Variants in SUGCT observed in about 807,000 individuals in gnomAD.
SUGCT encodes the protein succinyl-CoA:glutarate-CoA transferase, also known as succinyl-CoA:glutarate CoA-transferase.
SUGCT carries 41 observed loss-of-function variants against 55.0 expected under a neutral mutation model. The ratio of observed to expected loss-of-function variants is 0.74; its 90% CI spans 0.58 to 0.97. The LOEUF is 0.97. Ranked by LOEUF, SUGCT falls within the 50% of genes least tolerant of loss-of-function variation. SUGCT has a pLI of 0.00. For synonymous variants in SUGCT, 187 were observed against 200.4 expected (o/e 0.93, Z 0.56); for missense variants, 568 against 547.8 (o/e 1.04, Z -0.37).
chr7:40,431,111 T>G (rs1787872628), intron 9 of SUGCT, among the ~76,000 whole-genome samples: 1 of 130,394 alleles, frequency 7.7e-6, no homozygotes, highest in Non-Finnish European at 1.6e-5. Flanking sequence ...GAGTGAGACT[T>G]CGTCTCAAAA....
At chr7:40,732,125 G>T (rs1031940217) in intron 12 of SUGCT, among the ~76,000 whole-genome samples, 1 of 152,166 alleles carries the variant, frequency 6.6e-6, no homozygotes, top group African/African-American at 2.4e-5. Context: ...CAAAATGAAG[G>T]TGTTGGCAGC....
intron 6 of SUGCT, among the ~76,000 whole-genome samples, chr7:40,233,410 A>G (rs1422363400): frequency 6.6e-6 from 1 of 151,996 alleles, no homozygotes; most frequent in African/African-American, 2.4e-5. Context: ...TAGTAGAGAC[A>G]GGGTTACACC....
At chr7:40,953,768 A>C in the SUGCT span, among the ~76,000 whole-genome samples, 1 of 152,348 alleles carries the variant, frequency 6.6e-6, no homozygotes, top group African/African-American at 2.4e-5. Context: ...AGAACAGCAA[A>C]TATTGCTGAA....
intron 9 of SUGCT, among the ~76,000 whole-genome samples, chr7:40,360,854 T>G (rs533471094): frequency 6.6e-5 from 10 of 152,082 alleles, no homozygotes; most frequent in African/African-American, 2.4e-4. Context: ...TAATAAAATT[T>G]TGACAATAGT....
chr7:40,328,337 A>G (rs573494212), intron 9 of SUGCT, among the ~76,000 whole-genome samples: 27 of 152,338 alleles, frequency 1.8e-4, no homozygotes, highest in Non-Finnish European at 3.1e-4. Context: ...AACTCTACCT[A>G]TTAACAGTTC....
rs141006124 is a variant in SUGCT, at chr7:40,585,346, G to A, written c.1089+88960G>A. Among the ~76,000 whole-genome samples, 455 of 152,248 alleles carry A rather than the reference G, an allele frequency of 3.0e-3. 6 individuals are homozygous for A. The highest frequency in any genetic ancestry group is 0.03 in the East Asian group (153 of 5,176). On this transcript the variant is annotated intron_variant, in intron 12 of 13. Transcript: ENST00000335693. ...CTGAAATGAGTCTTCCAGCAGTCAG[G>A]TTTCGTTGTTGTCGTCTTTGTTTTG...
chr7:41,021,517 C>A, the SUGCT span, among the ~76,000 whole-genome samples: 23 of 152,052 alleles, frequency 1.5e-4, no homozygotes, highest in African/African-American at 5.5e-4. Flanking sequence ...GAAAAACTTT[C>A]AGTCTGAAAA....
chr7:40,943,527 G>A, the SUGCT span, among the ~76,000 whole-genome samples: 6 of 145,926 alleles, frequency 4.1e-5, no homozygotes, highest in African/African-American at 1.3e-4. Context: ...GAGAACATGC[G>A]GTGTTTGGTT....
Position 40,195,100 on chromosome 7 carries a change from C to T in SUGCT, c.484+40C>T, listed in dbSNP as rs541246685. The T allele has an allele frequency of 1.6e-5, 24 of 1,548,272 alleles. No homozygotes were observed. The African/African-American group carries it at 2.2e-4, about 14-fold the overall frequency. ...CACCCTTGTCAGTTAAAAGGTTTTCCAGTTTCTGTGTTTTCTTATTGCTAT... is the reference window on the plus strand; with the variant it reads ...CACCCTTGTCAGTTAAAAGGTTTTCTAGTTTCTGTGTTTTCTTATTGCTAT... On this transcript the variant is annotated intron_variant, in intron 6 of 13. Transcript: ENST00000335693.
intron 12 of SUGCT, among the ~76,000 whole-genome samples, chr7:40,667,717 T>A (rs1426689673): frequency 6.6e-6 from 1 of 152,082 alleles, no homozygotes; most frequent in South Asian, 2.1e-4. Context: ...TCCTCTAGAT[T>A]TTTTAGTTTG....
Position 40,600,894 on chromosome 7 carries a change from G to A in SUGCT, c.1089+104508G>A, listed in dbSNP as rs144743281. ...ATCTTTACTTTGATATGGGGGAGGG[G>A]GCAGTTAAGTACTTTTTAAGGTACT... On this transcript the variant is annotated intron_variant, in intron 12 of 13. Coordinates refer to ENST00000335693, the MANE Select transcript of SUGCT (RefSeq NM_001193313.2). 5.5e-3 allele frequency among the ~76,000 whole-genome samples: 839 copies of A among 151,798 alleles called. 4 individuals carry two copies. Among genetic ancestry groups the A allele is most frequent in the African/African-American group, 0.018 (756 of 41,410 alleles).
chr7:40,496,811 C>A (rs900439661), intron 12 of SUGCT, among the ~76,000 whole-genome samples: 4 of 152,112 alleles, frequency 2.6e-5, no homozygotes, highest in African/African-American at 9.7e-5. Context: ...TCTCTCTGAT[C>A]ATATGATTAT....
At chr7:40,321,361 G>A (rs1795733540) in intron 9 of SUGCT, among the ~76,000 whole-genome samples, 1 of 151,610 alleles carries the variant, frequency 6.6e-6, no homozygotes, top group Non-Finnish European at 1.5e-5. Flanking sequence ...ATGGCCATGA[G>A]CCACCGTGCC....
chr7:40,742,521 A>G (rs1486831340), intron 12 of SUGCT, among the ~76,000 whole-genome samples: 1 of 151,776 alleles, frequency 6.6e-6, no homozygotes, highest in African/African-American at 2.4e-5. Flanking sequence ...TCCCGCTCCT[A>G]TGAGAATCTA....
chr7:40,387,220 T>C lies in SUGCT; in HGVS notation c.817-62067T>C, dbSNP rs561860767. Among the ~76,000 whole-genome samples, 3 of 152,300 alleles carry C rather than the reference T, an allele frequency of 2.0e-5. No individual in the cohort carries two copies. In the East Asian group the frequency reaches 5.8e-4, roughly 29 times the overall value. On this transcript the variant is annotated intron_variant, in intron 9 of 13. Coordinates refer to ENST00000335693, the MANE Select transcript of SUGCT (RefSeq NM_001193313.2). ...AAAACTATGAAGCTCATTAACATCT[T>C]TGTAACTTACCTTGCACCCAAACGT...
At chr7:40,302,271 C>T (rs1294615850) in intron 8 of SUGCT, among the ~76,000 whole-genome samples, 3 of 152,106 alleles carry the variant, frequency 2.0e-5, no homozygotes, top group East Asian at 1.9e-4. Context: ...TTCTTCCCAC[C>T]TGTTTTTTTT....
intron 12 of SUGCT, among the ~76,000 whole-genome samples, chr7:40,745,625 A>G (rs1478377984): frequency 1.3e-5 from 2 of 152,214 alleles, no homozygotes; most frequent in Non-Finnish European, 2.9e-5. Context: ...TGTCAAGAAT[A>G]GGCTTTTGAA....
rs745753530 is a variant in SUGCT, at chr7:40,860,367, CG to C, written c.1206del (p.Leu403CysfsTer10). 4.3e-6 allele frequency: 7 copies of C among 1,613,938 alleles called. No homozygotes were observed. In the Admixed American group the frequency reaches 5.0e-5, roughly 12 times the overall value. ...KFKMSEARPP[P>X]LLGQHTTHIL... ...AAGATGTCAGAGGCCAGGCCGCCCC[CG>C]CTGCTCGGGCAGCACACAACGCACA... On this transcript the variant is annotated frameshift_variant, in exon 14 of 14. Transcript: ENST00000335693. LOFTEE classifies it high-confidence loss of function.
intron 12 of SUGCT, among the ~76,000 whole-genome samples, chr7:40,645,199 G>A (rs1001590077): frequency 3.9e-5 from 6 of 152,126 alleles, no homozygotes; most frequent in East Asian, 1.9e-4. Context: ...CACACCTTCC[G>A]TCCTTTTGGC....
Sources: allele counts gnomAD v4.1 joint callset (sites outside exome capture counted in the v4.1 genomes callset), GRCh38; gene constraint gnomAD v4.1.1; transcripts MANE v1.5; gene names NCBI Gene and HGNC (gene_info 2026-07-23, HGNC 2026-07-21).